Variants in FAM184A observed in about 807,000 individuals in gnomAD.
The protein encoded by FAM184A is protein FAM184A.
FAM184A carries 99 observed loss-of-function variants against 143.8 expected under a neutral mutation model. That is an observed-to-expected ratio of 0.69 (90% confidence interval 0.58 to 0.81). The LOEUF (loss-of-function observed/expected upper bound fraction) is 0.81, where lower values mean the gene tolerates loss of function less well. Among genes scored for constraint, FAM184A ranks in the 40% least tolerant of loss-of-function variants. The probability of loss-of-function intolerance (pLI) is 0.00; values close to 1 mark genes in which losing one functional copy is unlikely to be tolerated. For synonymous variants in FAM184A, 427 were observed against 446.4 expected (o/e 0.96, Z 0.55); for missense variants, 1,217 against 1,310.5 (o/e 0.93, Z 1.10).
intron 1 of FAM184A, among the ~76,000 whole-genome samples, chr6:119,084,382 A>G (rs909001191): frequency 6.6e-6 from 1 of 152,244 alleles, no homozygotes; most frequent in African/African-American, 2.4e-5. Flanking sequence ...CCAGCAAGGC[A>G]GTCATTAAAT....
chr6:119,140,542 C>A (rs1772191681), intron 1 of FAM184A, among the ~76,000 whole-genome samples: 3 of 152,200 alleles, frequency 2.0e-5, no homozygotes. Context: ...TTTTCGGAAC[C>A]ATGCTCTCCG....
In FAM184A at chr6:119,019,979, T is replaced by G; in HGVS notation, c.1331A>C (p.Lys444Thr). The change falls in exon 4 of 18, where the codon AAG becomes ACG. Residue 444 changes from lysine (K) to threonine (T), a missense_variant and splice_region_variant. Transcript: ENST00000338891. ...EQKQQILELE[K>T]KVNEAKRTQQ... The stretch of plus-strand genomic sequence containing the variant: ...AATGGAGTGTCCATTACTTTTTACC[T>G]TCTCCAGTTCTAGAATCTGTTGCTT... The G allele has an allele frequency of 6.4e-7, 1 of 1,558,610 alleles. No homozygotes were observed. Among genetic ancestry groups the G allele is most frequent in the Non-Finnish European group, 8.6e-7 (1 of 1,158,386 alleles).
chr6:119,112,316 C>T (rs566326744), intron 1 of FAM184A, among the ~76,000 whole-genome samples: 12 of 152,014 alleles, frequency 7.9e-5, no homozygotes, highest in South Asian at 2.1e-4. Context: ...TTAGTAGAGA[C>T]GGGGTTTCTC....
intron 1 of FAM184A, among the ~76,000 whole-genome samples, chr6:119,083,674 G>C (rs12665481): frequency 6.6e-6 from 1 of 152,024 alleles, no homozygotes; most frequent in Non-Finnish European, 1.5e-5. Context: ...TTCCCAATAA[G>C]TTCCTCATCT....
rs78715613 is a variant in FAM184A at position 118,973,502 on chromosome 6, G to A, written c.2915+926C>T. ...ATGATGTAGAATAAGGCACATTGGA[G>A]CTGTTAAGTTTACATTTGACTTTGA... On this transcript the variant is annotated intron_variant, in intron 14 of 17. Coordinates refer to ENST00000338891, the MANE Select transcript of FAM184A (RefSeq NM_024581.6). 7.5e-3 allele frequency among the ~76,000 whole-genome samples: 1,137 copies of A among 152,258 alleles called. 6 individuals carry two copies. Among genetic ancestry groups the A allele is most frequent in the South Asian group, 0.024 (115 of 4,818 alleles).
At chr6:119,009,869 T>C (rs1002760592) in intron 6 of FAM184A, among the ~76,000 whole-genome samples, 1 of 152,188 alleles carries the variant, frequency 6.6e-6, no homozygotes, top group Non-Finnish European at 1.5e-5. Context: ...ATTAAATAAA[T>C]GAATGAGTCA....
chr6:119,140,306 G>A (rs1266100240), intron 1 of FAM184A, among the ~76,000 whole-genome samples: 2 of 152,096 alleles, frequency 1.3e-5, no homozygotes, highest in Admixed American at 6.5e-5. Flanking sequence ...TGTCTTTATT[G>A]TTTGCCATTT....
intron 1 of FAM184A, among the ~76,000 whole-genome samples, chr6:119,133,241 TC>T (rs1007391359): frequency 4.6e-5 from 7 of 152,192 alleles, no homozygotes; most frequent in African/African-American, 9.7e-5. Flanking sequence ...ACAGCTCAGT[TC>T]CTATATAGGC....
rs1785818467 is a variant in FAM184A at position 119,030,256 on chromosome 6, G to T, written c.160-5443C>A. Among the ~76,000 whole-genome samples, 4 of 152,052 alleles carry T rather than the reference G, an allele frequency of 2.6e-5. No homozygotes were observed. The South Asian group carries it at 8.3e-4, about 32-fold the overall frequency. ...ACAAATTAATACTGCTTTCATTAGT[G>T]ATCACTTGAAATACACCACTACTAA... On this transcript the variant is annotated intron_variant, in intron 1 of 17. Coordinates refer to ENST00000338891, the MANE Select transcript of FAM184A (RefSeq NM_024581.6).
At chr6:119,032,201 G>A (rs955230266) in intron 1 of FAM184A, among the ~76,000 whole-genome samples, 2 of 151,846 alleles carry the variant, frequency 1.3e-5, no homozygotes, top group African/African-American at 4.8e-5. Context: ...GAACCTGAGA[G>A]GCGGAGGTTG....
chr6:119,011,238 T>G, intron 6 of FAM184A, 71 bp downstream of exon 6: 1 of 1,347,534 alleles, frequency 7.4e-7, no homozygotes, highest in Non-Finnish European at 1.0e-6. Context: ...TACCTACCTA[T>G]ACAATGTCAC....
In FAM184A at chr6:119,006,743, G is replaced by A. The variant is rs75018751; in HGVS notation, c.1654-135C>T. ...TGATTTCCTGATTAATTTGGAAAAA[G>A]CACTCAAATAACCATGACAGCTTTC... On this transcript the variant is annotated intron_variant, in intron 6 of 17. Transcript: ENST00000338891. 5,936 of 668,224 alleles carry A rather than the reference G, an allele frequency of 8.9e-3. 275 individuals are homozygous for A. The African/African-American group carries it at 0.099, about 11-fold the overall frequency. The allele number at this position is 668,224 out of a possible 1,614,324, so 41.4% of individuals were successfully genotyped here.
chr6:119,144,226 C>T (rs988506945), intron 1 of FAM184A, among the ~76,000 whole-genome samples: 1 of 149,028 alleles, frequency 6.7e-6, no homozygotes, highest in Non-Finnish European at 1.5e-5. Flanking sequence ...CCCAGCTACT[C>T]GAGAGGCTGA....
At chr6:119,086,759 G>A (rs188680571) in intron 1 of FAM184A, among the ~76,000 whole-genome samples, 96 of 152,266 alleles carry the variant, frequency 6.3e-4, no homozygotes, top group African/African-American at 1.9e-3. Context: ...TGAAATAATC[G>A]TATTTTCATT....
intron 12 of FAM184A, 147 bp downstream of exon 12, chr6:118,975,770 A>C: frequency 1.2e-6 from 1 of 820,312 alleles, no homozygotes; most frequent in Non-Finnish European, 1.8e-6. Context: ...AAATAAATAA[A>C]TAACTGAATC....
chr6:119,033,760 G>C (rs1401608056), intron 1 of FAM184A, among the ~76,000 whole-genome samples: 1 of 150,892 alleles, frequency 6.6e-6, no homozygotes, highest in Non-Finnish European at 1.5e-5. Flanking sequence ...GGGAGGCCCA[G>C]ATGGGTGGAT....
At chr6:119,038,695 C>A (rs1317289754) in intron 1 of FAM184A, among the ~76,000 whole-genome samples, 5 of 152,152 alleles carry the variant, frequency 3.3e-5, no homozygotes, top group African/African-American at 1.2e-4. Flanking sequence ...TATGGAGTAG[C>A]CATTATTTTA....
intron 1 of FAM184A, among the ~76,000 whole-genome samples, chr6:119,111,285 C>G (rs896652467): frequency 6.6e-6 from 1 of 152,092 alleles, no homozygotes; most frequent in African/African-American, 2.4e-5. Flanking sequence ...TATATTATTT[C>G]ACTTATATGA....
intron 1 of FAM184A, among the ~76,000 whole-genome samples, chr6:119,092,859 T>C (rs2114822616): frequency 6.6e-6 from 1 of 152,226 alleles, no homozygotes; most frequent in Middle Eastern, 3.4e-3. Flanking sequence ...TGTTTTTACT[T>C]TTTTTCTGGT....
Sources: gnomAD v4.1 joint callset for allele counts (sites outside exome capture counted in the v4.1 genomes callset) on GRCh38, gnomAD v4.1.1 for gene constraint, MANE v1.5 for transcripts, NCBI Gene and HGNC (gene_info 2026-07-23, HGNC 2026-07-21) for gene names.